P3H2: variants seen among roughly 807,000 people sequenced by gnomAD.
The protein encoded by P3H2 is leprecan-like 1.
In P3H2, 80 loss-of-function variants were observed where a neutral mutation model predicts 87.0. That is an observed-to-expected ratio of 0.92 (90% CI 0.77 to 1.11). P3H2 has a LOEUF of 1.11. Ranked by LOEUF, P3H2 falls within the 50% of genes least tolerant of loss-of-function variation. The pLI is 0.00. For synonymous variants in P3H2, 367 were observed against 359.3 expected, an observed-to-expected ratio of 1.02 and a Z score of -0.24; for missense variants, 1,001 against 923.9, an observed-to-expected ratio of 1.08 and a Z score of -1.08.
chr3:190,013,439 C>T (rs929392320), intron 1 of P3H2, among the ~76,000 whole-genome samples: 1 of 152,174 alleles, frequency 6.6e-6, no homozygotes, highest in East Asian at 1.9e-4. Flanking sequence ...AGTTGAAGAT[C>T]TGTTAGCAAA....
intron 1 of P3H2, among the ~76,000 whole-genome samples, chr3:190,037,870 T>C: frequency 6.6e-6 from 1 of 151,376 alleles, no homozygotes. Flanking sequence ...GCATCACACA[T>C]GGGCTCAAAT....
At chr3:189,999,543 C>T (rs1724148334) in intron 1 of P3H2, among the ~76,000 whole-genome samples, 1 of 152,154 alleles carries the variant, frequency 6.6e-6, no homozygotes, top group Non-Finnish European at 1.5e-5. Context: ...TATTACAAGG[C>T]ATAGTCAGTA....
At chr3:189,977,309 A>G (rs905252177) in intron 8 of P3H2, among the ~76,000 whole-genome samples, 2 of 152,204 alleles carry the variant, frequency 1.3e-5, no homozygotes, top group African/African-American at 4.8e-5. Flanking sequence ...CTCCGCTGCC[A>G]TGCTGTAATG....
chr3:190,024,224 T>C (rs1003794163), intron 1 of P3H2, among the ~76,000 whole-genome samples: 4 of 152,038 alleles, frequency 2.6e-5, no homozygotes, highest in Non-Finnish European at 5.9e-5. Context: ...AAAAATATAA[T>C]ATGTAAATCT....
chr3:190,033,510 C>G (rs922762530), intron 1 of P3H2, among the ~76,000 whole-genome samples: 2 of 152,130 alleles, frequency 1.3e-5, no homozygotes, highest in African/African-American at 4.8e-5. Context: ...TCATTTATGA[C>G]TGCAAAAAGA....
At chr3:189,980,344 C>T (rs1723491768) in intron 8 of P3H2, among the ~76,000 whole-genome samples, 1 of 152,110 alleles carries the variant, frequency 6.6e-6, no homozygotes, top group South Asian at 2.1e-4. Context: ...GCGGGAGGAT[C>T]ACAAGGTCAG....
intron 1 of P3H2, among the ~76,000 whole-genome samples, chr3:190,089,266 G>GT (rs1362833725): frequency 6.6e-6 from 1 of 152,154 alleles, no homozygotes; most frequent in Non-Finnish European, 1.5e-5. Context: ...TACACCTAAT[G>GT]TAAATGACGA....
Position 189,974,635 on chromosome 3 carries a change from G to C in P3H2, c.1375C>G (p.Leu459Val), listed in dbSNP as rs1723292032. The change falls in exon 9 of 15, where the codon CTG (leucine) becomes GTG (valine). Residue 459 changes from leucine (L) to valine (V), a missense_variant. Transcript: ENST00000319332. ...AGGAGAACCCGCTGAGTCCCGTTCA[G>C]CTGCTCCGAGTTGTAGACGAATGTG... Reference protein sequence around the residue: ...NITFVYNSEQLNGTQRVLLDN... With the variant: ...NITFVYNSEQVNGTQRVLLDN... 2.5e-6 allele frequency: 4 copies of C among 1,614,194 alleles called. No individual in the cohort carries two copies. Among genetic ancestry groups the C allele is most frequent in the East Asian group, 4.5e-5 (2 of 44,874 alleles).
Position 189,994,185 on chromosome 3 carries a change from A to G in P3H2, c.732T>C (p.Asp244=). Residue 244 remains aspartate, a synonymous_variant, in exon 3 of 15, where the codon GAT becomes GAC. Transcript: ENST00000319332. The part of the protein sequence containing the change: ...EQALREYFVE[D]TECRTLCEGP... The stretch of plus-strand genomic sequence containing the variant: ...CCTCACATAGGGTCCGGCATTCTGT[A>G]TCTTCAACGAAATATTCTCTTAAGG... The G allele has an allele frequency of 6.2e-7, 1 of 1,613,804 alleles. No homozygotes were observed. The highest frequency in any genetic ancestry group is 8.5e-7 in the Non-Finnish European group (1 of 1,179,792).
intron 12 of P3H2, 36 bp from the exon 13 acceptor site, chr3:189,970,927 T>C (rs755658339): frequency 8.6e-7 from 1 of 1,158,316 alleles, no homozygotes; most frequent in Non-Finnish European, 1.3e-6. Context: ...TGTATTATTA[T>C]ATGCTTATGA....
chr3:189,967,641 G>A (rs936510323), intron 13 of P3H2, among the ~76,000 whole-genome samples: 3 of 151,786 alleles, frequency 2.0e-5, no homozygotes, highest in South Asian at 2.1e-4. Context: ...AATACAGATC[G>A]TCAATCTTGA....
intron 1 of P3H2, among the ~76,000 whole-genome samples, chr3:189,996,618 T>C (rs923390898): frequency 1.3e-5 from 2 of 152,214 alleles, no homozygotes; most frequent in African/African-American, 4.8e-5. Context: ...TTTTTAATGA[T>C]GTCACCAACA....
chr3:190,057,917 C>G (rs946767469), intron 1 of P3H2, among the ~76,000 whole-genome samples: 7 of 151,950 alleles, frequency 4.6e-5, no homozygotes. Context: ...ATTCCCAGAA[C>G]TAAGGCATAG....
intron 1 of P3H2, among the ~76,000 whole-genome samples, chr3:190,101,283 G>T (rs1394690283): frequency 7.5e-6 from 1 of 133,100 alleles, no homozygotes; most frequent in Non-Finnish European, 1.6e-5. Context: ...AACTAAACAT[G>T]ATTAAGTTTA....
At chr3:190,032,558 A>G (rs760018917) in intron 1 of P3H2, among the ~76,000 whole-genome samples, 6 of 152,228 alleles carry the variant, frequency 3.9e-5, no homozygotes, top group Non-Finnish European at 8.8e-5. Flanking sequence ...TTGGCTCACA[A>G]CACATGAAGG....
At chr3:190,096,203 C>A (rs1176606608) in intron 1 of P3H2, among the ~76,000 whole-genome samples, 1 of 152,130 alleles carries the variant, frequency 6.6e-6, no homozygotes, top group African/African-American at 2.4e-5. Context: ...CAATAATGAA[C>A]AATTGGGAAT....
In P3H2 at chr3:190,041,274, T is replaced by TA. The variant is rs67754532; in HGVS notation, c.481-45833dup. 8.0e-3 allele frequency among the ~76,000 whole-genome samples: 941 copies of TA among 117,700 alleles called. 11 individuals are homozygous for TA. Among genetic ancestry groups the TA allele is most frequent in the African/African-American group, 0.026 (801 of 30,676 alleles). The allele number at this position is 117,700 out of a possible 152,430, so 77.2% of individuals were successfully genotyped here. ...GCAACAACAAAGTGATAACCTGTCT[T>TA]AAAAAAAAAAAAAAAAAAAAAAAGC... On this transcript the variant is annotated intron_variant, in intron 1 of 14. Coordinates refer to ENST00000319332, the MANE Select transcript of P3H2 (RefSeq NM_018192.4).
At chr3:189,998,851 C>G (rs78800212) in intron 1 of P3H2, among the ~76,000 whole-genome samples, 18,434 of 152,156 alleles carry the variant, frequency 0.12, 1,356 homozygotes, top group Middle Eastern at 0.26. Context: ...CAGAATTAAA[C>G]TGTTCCACCT....
intron 1 of P3H2, among the ~76,000 whole-genome samples, chr3:190,015,690 AT>A (rs11286820): frequency 0.21 from 32,215 of 152,108 alleles, 3,560 homozygotes; most frequent in Non-Finnish European, 0.25. Context: ...TCTCAGCATC[AT>A]TGCACTCAGC....
Sources: gnomAD v4.1 joint callset for allele counts (sites outside exome capture counted in the v4.1 genomes callset) on GRCh38, gnomAD v4.1.1 for gene constraint, MANE v1.5 for transcripts, NCBI Gene and HGNC (gene_info 2026-07-23, HGNC 2026-07-21) for gene names.